IPO11: variants seen among roughly 807,000 people sequenced by gnomAD.
The protein encoded by IPO11 is importin-11.
Under a neutral mutation model 143.2 loss-of-function variants are expected in IPO11, and 66 were observed. That is an observed-to-expected ratio of 0.46 (90% confidence interval 0.38 to 0.57). The LOEUF is 0.57. Ranked by LOEUF, IPO11 falls within the 20% of genes least tolerant of loss-of-function variation. The pLI is 0.00. For missense variants in IPO11, 1,026 were observed against 1,141.0 expected (o/e 0.90, Z 1.45); for synonymous variants, 385 against 377.8 (o/e 1.02, Z -0.22).
chr5:62,436,700 C>CT (rs1374823230), intron 1 of IPO11, among the ~76,000 whole-genome samples: 1 of 152,136 alleles, frequency 6.6e-6, no homozygotes, highest in Non-Finnish European at 1.5e-5. Context: ...GTCAGTTTGG[C>CT]TTTTTTCCCC....
At chr5:62,484,600 G>A (rs1434120940) in intron 11 of IPO11, among the ~76,000 whole-genome samples, 2 of 139,522 alleles carry the variant, frequency 1.4e-5, no homozygotes, top group African/African-American at 5.3e-5. Context: ...TTGAATTTTA[G>A]TACTAGATAG....
intron 29 of IPO11, among the ~76,000 whole-genome samples, chr5:62,602,344 T>C (rs966313897): frequency 1.3e-5 from 2 of 152,160 alleles, no homozygotes; most frequent in Non-Finnish European, 2.9e-5. Flanking sequence ...AAAGGAAATA[T>C]CTAAAATATC....
intron 27 of IPO11, chr5:62,580,906 A>G (rs1580348882): frequency 1.9e-6 from 3 of 1,551,272 alleles, no homozygotes; most frequent in Non-Finnish European, 2.6e-6. Context: ...ACAACTTACT[A>G]CTTCTGTTAC....
At chr5:62,513,552 ACCTC>A (rs1741872359) in intron 19 of IPO11, among the ~76,000 whole-genome samples, 1 of 132,510 alleles carries the variant, frequency 7.5e-6, no homozygotes, top group South Asian at 2.5e-4. Context: ...TGAGCCCCCC[ACCTC>A]CCTCCCGGAC....
intron 1 of IPO11, among the ~76,000 whole-genome samples, chr5:62,425,004 T>C (rs1743672942): frequency 6.6e-6 from 1 of 152,230 alleles, no homozygotes; most frequent in Non-Finnish European, 1.5e-5. Context: ...GAAGCAGTGC[T>C]GTAAGGAAGT....
At chr5:62,479,673 T>G (rs1431685503) in intron 9 of IPO11, among the ~76,000 whole-genome samples, 2 of 152,370 alleles carry the variant, frequency 1.3e-5, no homozygotes, top group East Asian at 3.9e-4. Context: ...TTGATTTGCA[T>G]CTCTCTGATA....
chr5:62,463,852 C>T (rs1408985076), intron 5 of IPO11, among the ~76,000 whole-genome samples: 1 of 149,716 alleles, frequency 6.7e-6, no homozygotes, highest in Non-Finnish European at 1.5e-5. Flanking sequence ...ATGACAGAGT[C>T]TCGCTCTGTT....
chr5:62,493,097 T>C (rs1407444132), intron 15 of IPO11, among the ~76,000 whole-genome samples: 2 of 152,208 alleles, frequency 1.3e-5, no homozygotes, highest in African/African-American at 2.4e-5. Context: ...GAAATGTATA[T>C]ATGTGCTACT....
At chr5:62,569,719 G>A (rs1427061260) in intron 27 of IPO11, among the ~76,000 whole-genome samples, 1 of 152,144 alleles carries the variant, frequency 6.6e-6, no homozygotes, top group Non-Finnish European at 1.5e-5. Flanking sequence ...TGTTATGCGA[G>A]GAAAATAGAG....
At chr5:62,546,377 T>TCAATTTC (rs1241460872) in intron 24 of IPO11, among the ~76,000 whole-genome samples, 4 of 152,066 alleles carry the variant, frequency 2.6e-5, no homozygotes, top group African/African-American at 9.7e-5. Flanking sequence ...ATGTTCTCAC[T>TCAATTTC]CATAGATGGA....
intron 29 of IPO11, among the ~76,000 whole-genome samples, chr5:62,619,745 C>T (rs532733451): frequency 1.4e-4 from 21 of 151,616 alleles, no homozygotes; most frequent in African/African-American, 5.1e-4. Context: ...CCCACCTAGT[C>T]GGGAGGCTGA....
chr5:62,603,220 A>G (rs1470843078), intron 29 of IPO11, among the ~76,000 whole-genome samples: 1 of 152,206 alleles, frequency 6.6e-6, no homozygotes, highest in African/African-American at 2.4e-5. Flanking sequence ...AGTAAGTGTG[A>G]GCTATATATA....
At chr5:62,472,763 A>G (rs1435667031) in intron 7 of IPO11, among the ~76,000 whole-genome samples, 1 of 152,092 alleles carries the variant, frequency 6.6e-6, no homozygotes, top group Non-Finnish European at 1.5e-5. Flanking sequence ...TCCTGACCTC[A>G]GTTGATCCAC....
intron 27 of IPO11, among the ~76,000 whole-genome samples, chr5:62,563,779 CA>C (rs1260041738): frequency 6.6e-6 from 1 of 151,826 alleles, no homozygotes; most frequent in Admixed American, 6.6e-5. Context: ...TTCTGGCACT[CA>C]AAAAAATCTC....
intron 15 of IPO11, among the ~76,000 whole-genome samples, chr5:62,490,800 G>A (rs930702793): frequency 2.6e-5 from 4 of 151,982 alleles, no homozygotes; most frequent in Admixed American, 2.0e-4. Context: ...TTGTCACCCA[G>A]CCTGGAGTGC....
intron 3 of IPO11, among the ~76,000 whole-genome samples, chr5:62,448,483 A>G (rs1044558484): frequency 3.9e-5 from 6 of 152,204 alleles, no homozygotes; most frequent in Non-Finnish European, 8.8e-5. Flanking sequence ...TGTTTTCATT[A>G]CTTAAGTGAT....
At chr5:62,539,569 G>T (rs1165881605) in intron 24 of IPO11, among the ~76,000 whole-genome samples, 2 of 152,198 alleles carry the variant, frequency 1.3e-5, no homozygotes, top group African/African-American at 2.4e-5. Flanking sequence ...AAAGAATCAT[G>T]TGGGCTCTAA....
intron 8 of IPO11, among the ~76,000 whole-genome samples, chr5:62,475,292 G>C (rs985012789): frequency 2.0e-5 from 3 of 152,106 alleles, no homozygotes; most frequent in African/African-American, 7.2e-5. Context: ...AGGCCGAGGC[G>C]AGTGAGTCGC....
intron 17 of IPO11, 69 bp downstream of exon 17, chr5:62,504,769 T>C (rs1480945675): frequency 3.0e-6 from 4 of 1,344,440 alleles, no homozygotes; most frequent in East Asian, 5.1e-5. Flanking sequence ...TTATTTATTT[T>C]GTGAAATTAA....
Sources: gnomAD v4.1 joint callset for allele counts (sites outside exome capture counted in the v4.1 genomes callset) on GRCh38, gnomAD v4.1.1 for gene constraint, MANE v1.5 for transcripts, NCBI Gene and HGNC (gene_info 2026-07-23, HGNC 2026-07-21) for gene names.